Variants in ANO2 observed in about 807,000 individuals in gnomAD.
The protein encoded by ANO2 is anoctamin-2.
In ANO2, 101 loss-of-function variants were observed where a neutral mutation model predicts 124.2. The observed-to-expected ratio is 0.81, with a 90% CI of 0.69 to 0.96. The LOEUF (loss-of-function observed/expected upper bound fraction) is 0.96. Ranked by LOEUF, ANO2 falls within the 40% of genes least tolerant of loss-of-function variation. The pLI is 0.00. For synonymous variants in ANO2, 486 were observed against 482.5 expected, an observed-to-expected ratio of 1.01 and a Z score of -0.09; for missense variants, 1,293 against 1,274.5, an observed-to-expected ratio of 1.01 and a Z score of -0.22.
chr12:5,753,897 G>T (rs1951505421), intron 10 of ANO2, among the ~76,000 whole-genome samples: 1 of 151,920 alleles, frequency 6.6e-6, no homozygotes, highest in Non-Finnish European at 1.5e-5. Flanking sequence ...TTGACTAATT[G>T]CTCTTGCTAG....
intron 19 of ANO2, among the ~76,000 whole-genome samples, chr12:5,607,925 AG>A (rs1565467822): frequency 6.6e-6 from 1 of 152,198 alleles, no homozygotes. Context: ...TAATAATAAT[AG>A]AAATAAAGTG....
At position 5,908,910 on chromosome 12, in the gene ANO2, G is replaced by C. The variant is rs777191570; in HGVS notation, c.534+12130C>G. On this transcript the variant is annotated intron_variant, in intron 3 of 24. Transcript: ENST00000682330. This position sits in a 1 kb window ranked among gnomAD's most constrained non-coding sequence, Gnocchi z 4.7. ...GTAAACAGGAGCATTATCTCCTCTG[G>C]AGAATGGCCTTCACTCCACACAGAA... is the stretch of plus-strand genomic sequence containing the variant. 6.6e-6 allele frequency among the ~76,000 whole-genome samples: 1 copy of C among 152,160 alleles called. No homozygotes were observed. The highest frequency in any genetic ancestry group is 1.5e-5 in the Non-Finnish European group (1 of 68,022).
chr12:5,700,132 T>C (rs1949344911), intron 14 of ANO2, among the ~76,000 whole-genome samples: 1 of 152,214 alleles, frequency 6.6e-6, no homozygotes. Flanking sequence ...ATCAACAGAA[T>C]ATACATTCTT....
intron 7 of ANO2, among the ~76,000 whole-genome samples, chr12:5,810,390 A>T (rs890360699): frequency 2.0e-5 from 3 of 152,222 alleles, no homozygotes; most frequent in African/African-American, 4.8e-5. Context: ...AAACGTTTTT[A>T]AAAAAGAGTC....
At chr12:5,827,661 C>T in intron 7 of ANO2, 108 bp downstream of exon 7, 2 of 1,284,144 alleles carry the variant, frequency 1.6e-6, no homozygotes, top group Non-Finnish European at 2.2e-6. Flanking sequence ...CCGTGGGGGG[C>T]ATTTGCTTGT....
intron 10 of ANO2, among the ~76,000 whole-genome samples, chr12:5,770,196 A>G (rs1952033533): frequency 6.6e-6 from 1 of 152,178 alleles, no homozygotes; most frequent in Non-Finnish European, 1.5e-5. Flanking sequence ...TAGATTCCCA[A>G]TGACCCTAAA....
At position 5,806,035 on chromosome 12, in the gene ANO2, G is replaced by A. The variant is rs762852777; in HGVS notation, c.990+17C>T. The A allele has an allele frequency of 7.4e-6, 12 of 1,613,098 alleles. No homozygotes were observed. In the East Asian group the frequency reaches 2.5e-4, roughly 33 times the overall value. ...TCGCATGCCCAAAGTCCAGGATGCT[G>A]CACGAGGCAGGCTTACCTTCCTGTC... is the stretch of plus-strand genomic sequence containing the variant. On this transcript the variant is annotated intron_variant, in intron 9 of 24. Transcript: ENST00000682330.
In ANO2 at chr12:5,671,982, C is replaced by T. The variant is rs117865456; in HGVS notation, c.1546-24181G>A. On this transcript the variant is annotated intron_variant, in intron 14 of 24. Coordinates refer to ENST00000682330, the MANE Select transcript of ANO2 (RefSeq NM_001364791.2). ...GCAACCTCAGAAACTCCCTCTGGTG[C>T]CTGTGGTGTCACACGCCACATCCAC... is the stretch of plus-strand genomic sequence containing the variant. Among the ~76,000 whole-genome samples the T allele has an allele frequency of 2.5e-3, 381 of 152,296 alleles. 6 individuals are homozygous for T. In the East Asian group the frequency reaches 0.043, roughly 17 times the overall value.
At chr12:5,684,133 T>A (rs2137004423) in intron 14 of ANO2, among the ~76,000 whole-genome samples, 1 of 152,122 alleles carries the variant, frequency 6.6e-6, no homozygotes, top group Non-Finnish European at 1.5e-5. Context: ...ATGCCAGGTG[T>A]CCCTCCCACA....
chr12:5,845,516 G>A (rs190512435), intron 4 of ANO2, among the ~76,000 whole-genome samples: 95 of 147,448 alleles, frequency 6.4e-4, no homozygotes, highest in Admixed American at 6.0e-3. Flanking sequence ...GCAGTGAGCC[G>A]AGATCGCTCC....
rs1205285330 is a variant in ANO2 at position 5,862,076 on chromosome 12, C to T, written c.535-7935G>A. Reference sequence around the variant, plus strand: ...TGTACAGCCTCTGATTCGGAGCAGGCTCTGCCTGGTCCTCCTGAGACACAG... The same window carrying T: ...TGTACAGCCTCTGATTCGGAGCAGGTTCTGCCTGGTCCTCCTGAGACACAG... On this transcript the variant is annotated intron_variant, in intron 3 of 24. Coordinates refer to ENST00000682330, the MANE Select transcript of ANO2 (RefSeq NM_001364791.2). This position sits in a 1 kb window ranked among gnomAD's most constrained non-coding sequence, Gnocchi z 4.0. 2.6e-5 allele frequency among the ~76,000 whole-genome samples: 4 copies of T among 152,212 alleles called. No homozygotes were observed. The highest frequency in any genetic ancestry group is 7.2e-5 in the African/African-American group (3 of 41,456).
At position 5,563,176 on chromosome 12, in the gene ANO2, C is replaced by T; in HGVS notation, c.*123G>A. On this transcript the variant is annotated 3_prime_UTR_variant, in exon 25 of 25. Transcript: ENST00000682330. ...TCTTTCTTTTTACACACTGCCCCCT[C>T]TTCAAGACCCCATCAAGCCAGGCCC... 7.5e-7 allele frequency: 1 copy of T among 1,330,876 alleles called. No homozygotes were observed. Among genetic ancestry groups the T allele is most frequent in the Non-Finnish European group, 1.0e-6 (1 of 994,004 alleles). 82.4% of individuals were successfully genotyped at this position (1,330,876 alleles called of 1,614,324 possible).
chr12:5,890,320 G>A (rs1425599725), intron 3 of ANO2, among the ~76,000 whole-genome samples: 1 of 152,334 alleles, frequency 6.6e-6, no homozygotes, highest in Admixed American at 6.5e-5. Context: ...CAATGGAACA[G>A]ACCCCTGTCT....
At position 5,897,010 on chromosome 12, in the gene ANO2, C is replaced by G. The variant is rs79220565; in HGVS notation, c.534+24030G>C. 5.4e-3 allele frequency among the ~76,000 whole-genome samples: 824 copies of G among 152,234 alleles called. 6 individuals are homozygous for G. The highest frequency in any genetic ancestry group is 0.019 in the African/African-American group (800 of 41,522). Reference sequence around the variant, plus strand: ...GAACATAAAATAAATCATCTTAAGACTGACTGTAAAGTCACTCCTTAAGAT... The same window carrying G: ...GAACATAAAATAAATCATCTTAAGAGTGACTGTAAAGTCACTCCTTAAGAT... On this transcript the variant is annotated intron_variant, in intron 3 of 24. Coordinates refer to ENST00000682330, the MANE Select transcript of ANO2 (RefSeq NM_001364791.2).
At chr12:5,617,490 AC>A (rs1944883443) in intron 16 of ANO2, among the ~76,000 whole-genome samples, 1 of 145,348 alleles carries the variant, frequency 6.9e-6, no homozygotes, top group African/African-American at 2.6e-5. Flanking sequence ...GTCGTACCGC[AC>A]TCTCCAGATA....
rs148932347 is a variant in ANO2, at chr12:5,645,103, G to T, written c.1620+2624C>A. Among the ~76,000 whole-genome samples, 22 of 151,766 alleles carry T rather than the reference G, an allele frequency of 1.4e-4. No individual in the cohort carries two copies. The East Asian group carries it at 3.5e-3, about 24-fold the overall frequency. ...TCTTCAATCTATGGATTGGTGTACT[G>T]CATCAAATTAGGAAACCACCAGTCC... is the stretch of plus-strand genomic sequence containing the variant. On this transcript the variant is annotated intron_variant, in intron 15 of 24. Transcript: ENST00000682330.
intron 14 of ANO2, among the ~76,000 whole-genome samples, chr12:5,711,543 G>A (rs1949820430): frequency 6.6e-6 from 1 of 152,160 alleles, no homozygotes; most frequent in East Asian, 1.9e-4. Context: ...AATTCATACA[G>A]AGGCCCAGAG....
chr12:5,753,780 T>G (rs1186799528), intron 10 of ANO2, among the ~76,000 whole-genome samples: 11 of 152,118 alleles, frequency 7.2e-5, no homozygotes, highest in Non-Finnish European at 1.2e-4. Context: ...TTTCTAAAAG[T>G]TTTTTGGTAG....
At chr12:5,747,961 T>G (rs940807072) in intron 11 of ANO2, among the ~76,000 whole-genome samples, 1 of 152,154 alleles carries the variant, frequency 6.6e-6, no homozygotes, top group Non-Finnish European at 1.5e-5. Context: ...AATGTGGCTG[T>G]GTGCATCTGT....
Sources: gnomAD v4.1 joint callset for allele counts (sites outside exome capture counted in the v4.1 genomes callset) on GRCh38, gnomAD v4.1.1 for gene constraint, Gnocchi (gnomAD v3.1) non-coding constraint, MANE v1.5 for transcripts, NCBI Gene and HGNC (gene_info 2026-07-23, HGNC 2026-07-21) for gene names.